CNST: variants seen among roughly 807,000 people sequenced by gnomAD.
The protein encoded by CNST is consortin, connexin sorting protein.
Under a neutral mutation model 72.4 loss-of-function variants are expected in CNST, and 39 were observed. The ratio of observed to expected loss-of-function variants is 0.54; its 90% confidence interval spans 0.42 to 0.70. The LOEUF (loss-of-function observed/expected upper bound fraction) is 0.70. Ranked by LOEUF, CNST falls within the 30% of genes least tolerant of loss-of-function variation. The pLI is 0.00. For synonymous variants in CNST, 332 were observed against 320.1 expected (o/e 1.04, Z -0.40); for missense variants, 871 against 868.5 (o/e 1.00, Z -0.04).
At chr1:246,625,464 C>T (rs1455485843) in intron 3 of CNST, among the ~76,000 whole-genome samples, 2 of 127,736 alleles carry the variant, frequency 1.6e-5, no homozygotes, top group Non-Finnish European at 3.1e-5. Flanking sequence ...CTCTGTCACC[C>T]AGGCTGGAGT....
rs866830036 is a variant in CNST at position 246,637,716 on chromosome 1, G to A, written c.818+3129G>A. 7.9e-5 allele frequency among the ~76,000 whole-genome samples: 12 copies of A among 152,200 alleles called. No homozygotes were observed. The South Asian group carries it at 8.3e-4, about 11-fold the overall frequency. ...GAGAACCCATTTCATTCCTAAGGAC[G>A]TGGAGACAACTTGGGTGATTTGGCT... On this transcript the variant is annotated intron_variant, in intron 6 of 10. Transcript: ENST00000366513.
intron 2 of CNST, among the ~76,000 whole-genome samples, chr1:246,595,607 C>T (rs1050279110): frequency 2.6e-5 from 4 of 152,106 alleles, no homozygotes; most frequent in East Asian, 1.9e-4. Flanking sequence ...ATTTTTCAGA[C>T]GTGTACTTTT....
At chr1:246,616,806 G>A (rs1663731660) in intron 2 of CNST, among the ~76,000 whole-genome samples, 1 of 151,676 alleles carries the variant, frequency 6.6e-6, no homozygotes, top group Non-Finnish European at 1.5e-5. Context: ...GCCCACCTTG[G>A]CCTCCCAAAG....
intron 10 of CNST, among the ~76,000 whole-genome samples, 193 bp from the exon 11 acceptor site, chr1:246,665,507 A>T (rs1331654839): frequency 1.3e-5 from 2 of 152,254 alleles, no homozygotes; most frequent in Non-Finnish European, 2.9e-5. Flanking sequence ...AAGCTCCACA[A>T]GTCTGAATCT....
intron 1 of CNST, among the ~76,000 whole-genome samples, chr1:246,581,777 C>T (rs1006277636): frequency 6.6e-6 from 1 of 152,208 alleles, no homozygotes; most frequent in Non-Finnish European, 1.5e-5. Context: ...AGGAGATGCC[C>T]TTTACCAGCA....
chr1:246,573,349 A>G (rs900904560), intron 1 of CNST, among the ~76,000 whole-genome samples: 1 of 152,226 alleles, frequency 6.6e-6, no homozygotes, highest in African/African-American at 2.4e-5. Flanking sequence ...TCTTATTACC[A>G]TTACATTTGA....
intron 1 of CNST, among the ~76,000 whole-genome samples, chr1:246,580,540 G>A (rs941248916): frequency 2.6e-5 from 4 of 151,954 alleles, no homozygotes; most frequent in African/African-American, 4.8e-5. Flanking sequence ...ATTTTCAGAC[G>A]TTTCTTTCTA....
intron 1 of CNST, among the ~76,000 whole-genome samples, chr1:246,567,031 A>C (rs1659747290): frequency 2.8e-5 from 4 of 144,098 alleles, no homozygotes; most frequent in South Asian, 2.3e-4. Flanking sequence ...GATGGTTTTC[A>C]TTTCCCCCCC....
At chr1:246,566,837 T>C in intron 1 of CNST, 174 bp downstream of exon 1, 2 of 395,970 alleles carry the variant, frequency 5.1e-6, no homozygotes, top group Non-Finnish European at 4.4e-6. Flanking sequence ...TCAGGTCGCC[T>C]GTTTTCCTCT....
At chr1:246,664,600 A>G (rs7515639) in intron 10 of CNST, among the ~76,000 whole-genome samples, 35,978 of 151,530 alleles carry the variant, frequency 0.24, 4,385 homozygotes, top group Admixed American at 0.24. Flanking sequence ...CTGATTTTTT[A>G]TATTTTTAGT....
intron 3 of CNST, among the ~76,000 whole-genome samples, chr1:246,622,823 G>T (rs759592765): frequency 7.9e-5 from 12 of 151,652 alleles, no homozygotes; most frequent in Admixed American, 2.0e-4. Context: ...GTATTGTATT[G>T]TATTTATTTA....
At position 246,648,055 on chromosome 1, in the gene CNST, T is replaced by C; in HGVS notation, c.1836+18T>C. The stretch of plus-strand genomic sequence containing the variant: ...TTGCAGAGGTAAATCAGAGATGAAG[T>C]ACAATTAAAAGTAAAATGGCATTTA... On this transcript the variant is annotated intron_variant, in intron 9 of 10. Coordinates refer to ENST00000366513, the MANE Select transcript of CNST (RefSeq NM_152609.3). 6.4e-7 allele frequency: 1 copy of C among 1,574,532 alleles called. No individual in the cohort carries two copies. The highest frequency in any genetic ancestry group is 2.2e-5 in the East Asian group (1 of 44,490).
chr1:246,662,910 A>G (rs1049396885), intron 10 of CNST, among the ~76,000 whole-genome samples: 4 of 152,226 alleles, frequency 2.6e-5, no homozygotes, highest in Admixed American at 2.6e-4. Context: ...CAGGTCTAGG[A>G]CATATAAATA....
rs1667474237 is a variant in CNST at position 246,668,574 on chromosome 1, T to C, written c.*2669T>C. On this transcript the variant is annotated 3_prime_UTR_variant, in exon 11 of 11. Coordinates refer to ENST00000366513, the MANE Select transcript of CNST (RefSeq NM_152609.3). The stretch of plus-strand genomic sequence containing the variant: ...CTTTTAGATTTAAAAATAAAAATCT[T>C]CTGGAGGATTTAAGATTTGAAGGGG... The C allele has an allele frequency of 6.6e-6, 1 of 152,206 alleles. No homozygotes were observed. Among genetic ancestry groups the C allele is most frequent in the African/African-American group, 2.4e-5 (1 of 41,452 alleles). The allele number at this position is 152,206 out of a possible 1,614,324, so 9.4% of individuals were successfully genotyped here.
intron 1 of CNST, among the ~76,000 whole-genome samples, chr1:246,591,037 T>A (rs888852258): frequency 1.3e-5 from 2 of 152,200 alleles, no homozygotes; most frequent in African/African-American, 4.8e-5. Flanking sequence ...ACATTTTCAT[T>A]TCCAAATATT....
chr1:246,646,638 G>A (rs892144005), intron 8 of CNST, among the ~76,000 whole-genome samples: 4 of 151,902 alleles, frequency 2.6e-5, no homozygotes, highest in African/African-American at 4.8e-5. Context: ...GTGCCACCAC[G>A]CCCAGCTAAT....
rs761530391 is a variant in CNST at position 246,668,016 on chromosome 1, C to T, written c.*2111C>T. On this transcript the variant is annotated 3_prime_UTR_variant, in exon 11 of 11. Coordinates refer to ENST00000366513, the MANE Select transcript of CNST (RefSeq NM_152609.3). ...GGGGCCCAGTGGTGTCTCAGAGAAA[C>T]CATGGGTGTCCTCGCCACTTCCCAG... 5.9e-5 allele frequency: 9 copies of T among 152,148 alleles called. No individual in the cohort carries two copies. The highest frequency in any genetic ancestry group is 1.2e-4 in the Non-Finnish European group (8 of 68,024). The allele number at this position is 152,148 out of a possible 1,614,324, so 9.4% of individuals were successfully genotyped here.
intron 9 of CNST, among the ~76,000 whole-genome samples, chr1:246,652,031 G>T (rs961072718): frequency 6.6e-6 from 1 of 152,170 alleles, no homozygotes; most frequent in Non-Finnish European, 1.5e-5. Flanking sequence ...GGCACCAAGT[G>T]TGTTGTCTTT....
chr1:246,602,217 A>G (rs1245968665), intron 2 of CNST, among the ~76,000 whole-genome samples: 1 of 152,308 alleles, frequency 6.6e-6, no homozygotes, highest in East Asian at 1.9e-4. Context: ...AAATTGAAGA[A>G]TTGTGCATGG....
Sources: gnomAD v4.1 joint callset for allele counts (sites outside exome capture counted in the v4.1 genomes callset) on GRCh38, gnomAD v4.1.1 for gene constraint, MANE v1.5 for transcripts, NCBI Gene and HGNC (gene_info 2026-07-23, HGNC 2026-07-21) for gene names.